Variants in UVSSA observed in about 807,000 individuals in gnomAD.
The protein encoded by UVSSA is UV-stimulated scaffold protein A.
UVSSA carries 72 observed loss-of-function variants against 73.9 expected under a neutral mutation model. That is an observed-to-expected ratio of 0.97 (90% CI 0.81 to 1.19). The LOEUF (loss-of-function observed/expected upper bound fraction) is 1.19. Among genes scored for constraint, UVSSA ranks in the 50% most tolerant of loss-of-function variants. UVSSA has a pLI of 0.00. For synonymous variants in UVSSA, 454 were observed against 391.3 expected (o/e 1.16, Z -1.89); for missense variants, 1,150 against 965.0 (o/e 1.19, Z -2.54).
chr4:1,361,734 A>T (rs1300340349), intron 7 of UVSSA, among the ~76,000 whole-genome samples: 2 of 152,240 alleles, frequency 1.3e-5, no homozygotes, highest in African/African-American at 4.8e-5. Context: ...CGACCATCAC[A>T]GCTGAGCACG....
rs146589878 is a variant in UVSSA, at chr4:1,355,218, C to T, written c.1149C>T (p.Ile383=). ...TGAGAAAATACAAGGAGCTGGACAT[C>T]GAGCCTGAGGGAGGGGAAAGGCGCA... ...LVLRKYKELD[I]EPEGGERRRT... is the part of the protein sequence containing the mutation. Residue 383 remains isoleucine, a synonymous_variant, in exon 7 of 14, where the codon ATC becomes ATT. Transcript: ENST00000389851. The T allele has an allele frequency of 3.9e-4, 634 of 1,612,678 alleles. 1 individual carries two copies. The South Asian group carries it at 5.2e-3, about 13-fold the overall frequency.
At chr4:1,369,822 A>T (rs1357999719) in intron 8 of UVSSA, among the ~76,000 whole-genome samples, 2 of 152,242 alleles carry the variant, frequency 1.3e-5, no homozygotes, top group Admixed American at 1.3e-4. Context: ...CATTTTTATG[A>T]TTCTTTCTCA....
In UVSSA at chr4:1,353,276, C is replaced by T. The variant is rs552096219; in HGVS notation, c.797C>T (p.Ala266Val). The T allele has an allele frequency of 1.3e-4, 206 of 1,611,044 alleles. 1 individual carries two copies. Among genetic ancestry groups the T allele is most frequent in the South Asian group, 7.5e-4 (68 of 91,080 alleles). The part of the protein sequence containing the change: ...DLPASAGHPR[A>V]GGGAQPSQTA... ...CCTGCCTCTGCAGGCCACCCCAGAG[C>T]GGGCGGCGGGGCACAGCCATCCCAG... The change falls in exon 5 of 14, where the codon GCG becomes GTG. Residue 266 changes from alanine (A) to valine (V), a missense_variant. Coordinates refer to ENST00000389851, the MANE Select transcript of UVSSA (RefSeq NM_020894.4).
intron 7 of UVSSA, among the ~76,000 whole-genome samples, chr4:1,358,741 C>G (rs367847660): frequency 6.6e-6 from 1 of 152,234 alleles, no homozygotes; most frequent in Non-Finnish European, 1.5e-5. Flanking sequence ...AGGTGCTCCT[C>G]GTTAATTTTC....
intron 3 of UVSSA, among the ~76,000 whole-genome samples, chr4:1,350,539 T>C (rs1012576758): frequency 2.6e-4 from 39 of 152,230 alleles, no homozygotes; most frequent in African/African-American, 9.2e-4. Context: ...TGTGAGGTAC[T>C]TGGGGTGAGA....
intron 8 of UVSSA, among the ~76,000 whole-genome samples, chr4:1,368,471 G>A (rs1717615811): frequency 1.3e-5 from 2 of 152,384 alleles, no homozygotes; most frequent in Middle Eastern, 6.8e-3. Flanking sequence ...CCCCGGGCCT[G>A]TGGCCAAACA....
chr4:1,351,193 G>A (rs1007000431), intron 3 of UVSSA, among the ~76,000 whole-genome samples: 1 of 151,750 alleles, frequency 6.6e-6, no homozygotes, highest in Non-Finnish European at 1.5e-5. Context: ...AGCCTCCCAA[G>A]TAGCTGGGAC....
At chr4:1,390,834 TG>T (rs1720393807), downstream of UVSSA, 1 of 152,626 alleles carries the variant, frequency 6.6e-6, no homozygotes, top group South Asian at 2.1e-4. Flanking sequence ...AGATGCCTGT[TG>T]GGTCTGATTG....
intron 4 of UVSSA, among the ~76,000 whole-genome samples, chr4:1,352,263 G>T (rs1279381034): frequency 6.6e-6 from 1 of 152,234 alleles, no homozygotes; most frequent in Non-Finnish European, 1.5e-5. Flanking sequence ...TGAGGAGGGG[G>T]TGCCACGGCC....
chr4:1,348,009 G>T (rs1215229297), intron 1 of UVSSA, 81 bp from the exon 2 acceptor site: 4 of 1,226,504 alleles, frequency 3.3e-6, no homozygotes. Flanking sequence ...GTTTATAGTG[G>T]AACCCAGTAA....
intron 7 of UVSSA, among the ~76,000 whole-genome samples, chr4:1,363,835 A>G (rs1402070061): frequency 1.3e-5 from 2 of 152,268 alleles, no homozygotes; most frequent in South Asian, 2.1e-4. Context: ...TGTTAGACTG[A>G]TAACAAAAAT....
chr4:1,355,069 A>G (rs755502928), intron 6 of UVSSA, 48 bp from the exon 7 acceptor site: 7 of 1,602,080 alleles, frequency 4.4e-6, no homozygotes, highest in Non-Finnish European at 6.0e-6. Context: ...ACAGCTTCCC[A>G]GGTCCTGCCC....
At chr4:1,395,983 C>T in exon 14 of UVSSA, 3 of 1,436,396 alleles carry the variant, frequency 2.1e-6, no homozygotes, top group Non-Finnish European at 2.8e-6. Context: ...AAAAGACAAA[C>T]CTGTGACTCA....
At chr4:1,395,883 G>A (rs781567667) in exon 14 of UVSSA, 2 of 1,597,808 alleles carry the variant, frequency 1.3e-6, no homozygotes, top group Non-Finnish European at 1.7e-6. Context: ...AAGAGGAGAG[G>A]GTGTTTTTGT....
In UVSSA at chr4:1,353,263, G is replaced by GA; in HGVS notation, c.784_785insA (p.Gly262GlufsTer18). ...CAGTAGAGACCTGCCTGCCTCTGCA[G>GA]GCCACCCCAGAGCGGGCGGCGGGGC... On this transcript the variant is annotated frameshift_variant, in exon 5 of 14. Transcript: ENST00000389851. LOFTEE classifies it high-confidence loss of function. 6.2e-7 allele frequency: 1 copy of GA among 1,611,488 alleles called. No individual in the cohort carries two copies. Among genetic ancestry groups the GA allele is most frequent in the Non-Finnish European group, 8.5e-7 (1 of 1,179,838 alleles).
chr4:1,354,655 C>A, intron 5 of UVSSA, 80 bp from the exon 6 acceptor site: 2 of 1,334,046 alleles, frequency 1.5e-6, no homozygotes, highest in Admixed American at 1.9e-5. Flanking sequence ...GAGCAGCCTT[C>A]CTTGCATGGT....
At chr4:1,359,728 G>C (rs1209842759) in intron 7 of UVSSA, among the ~76,000 whole-genome samples, 1 of 152,136 alleles carries the variant, frequency 6.6e-6, no homozygotes, top group African/African-American at 2.4e-5. Context: ...CCGACTCTGT[G>C]GTTTTCTTTC....
Position 1,380,894 on chromosome 4 carries a change from G to A in UVSSA, c.1767G>A (p.Gly589=), listed in dbSNP as rs758256906. 1.1e-5 allele frequency: 17 copies of A among 1,612,874 alleles called. No individual in the cohort carries two copies. The highest frequency in any genetic ancestry group is 4.5e-5 in the East Asian group (2 of 44,878). Residue 589 remains glycine, a synonymous_variant, in exon 12 of 14, where the codon GGG becomes GGA. Transcript: ENST00000389851. ...TCGCTGTGCAGTGCCCTTTCCATGG[G>A]AAGATTGTTCCACGGGACGACGAAG... ...RQDRLKCPFH[G]KIVPRDDEGR...
chr4:1,364,871 G>A (rs1057345853), intron 7 of UVSSA, among the ~76,000 whole-genome samples: 1 of 152,204 alleles, frequency 6.6e-6, no homozygotes, highest in Non-Finnish European at 1.5e-5. Flanking sequence ...GGAGCTGAAG[G>A]TGAGGAATGA....
Sources: allele counts gnomAD v4.1 joint callset (sites outside exome capture counted in the v4.1 genomes callset), GRCh38; gene constraint gnomAD v4.1.1; transcripts MANE v1.5; gene names NCBI Gene and HGNC (gene_info 2026-07-23, HGNC 2026-07-21).